BMPR2: variants seen among roughly 807,000 people sequenced by gnomAD.
BMPR2 encodes bone morphogenetic protein receptor type 2.
Under a neutral mutation model 100.8 loss-of-function variants are expected in BMPR2, and 29 were observed. The observed-to-expected ratio is 0.29, with a 90% CI of 0.21 to 0.39. The LOEUF (loss-of-function observed/expected upper bound fraction) is 0.39, where lower values mean the gene tolerates loss of function less well. Among genes scored for constraint, BMPR2 ranks in the 10% least tolerant of loss-of-function variants. The pLI is 1.00. For missense variants in BMPR2, 1,011 were observed against 1,274.5 expected (o/e 0.79, Z 3.15); for synonymous variants, 382 against 442.3 (o/e 0.86, Z 1.71).
intron 7 of BMPR2, among the ~76,000 whole-genome samples, chr2:202,521,449 C>T (rs187218442): frequency 3.9e-5 from 6 of 151,966 alleles, no homozygotes; most frequent in African/African-American, 1.2e-4. Context: ...CACCTGTAGT[C>T]GCAGCTACTT....
intron 1 of BMPR2, among the ~76,000 whole-genome samples, chr2:202,433,043 T>C (rs1431015559): frequency 1.3e-5 from 2 of 150,362 alleles, no homozygotes; most frequent in Non-Finnish European, 2.9e-5. Context: ...GCAAGTCCTA[T>C]ATCTAAATTA....
At chr2:202,450,867 T>G (rs913058853) in intron 1 of BMPR2, among the ~76,000 whole-genome samples, 1 of 152,200 alleles carries the variant, frequency 6.6e-6, no homozygotes, top group Non-Finnish European at 1.5e-5. Context: ...TGTGATACTC[T>G]GAAATCCCAG....
At chr2:202,480,681 C>T (rs951389674) in intron 3 of BMPR2, among the ~76,000 whole-genome samples, 2 of 151,566 alleles carry the variant, frequency 1.3e-5, no homozygotes, top group South Asian at 4.2e-4. Flanking sequence ...AGGCCGGGCA[C>T]GGTGGCTCAT....
At position 202,560,085 on chromosome 2, in the gene BMPR2, A is replaced by G; in HGVS notation, c.*139A>G. ...CCTGCAACAAAGACTTGCTTTAAAT[A>G]GATTTCAGCTATGCAGAAAAATTTA... On this transcript the variant is annotated 3_prime_UTR_variant, in exon 13 of 13. Transcript: ENST00000374580. 9.1e-7 allele frequency: 1 copy of G among 1,104,214 alleles called. No individual in the cohort carries two copies. The highest frequency in any genetic ancestry group is 1.5e-5 in the South Asian group (1 of 64,586). 68.4% of individuals were successfully genotyped at this position (1,104,214 alleles called of 1,614,324 possible). A position where few individuals can be genotyped will look rare whatever the true frequency, so the allele number is the denominator to read the frequency against.
intron 3 of BMPR2, among the ~76,000 whole-genome samples, chr2:202,472,581 C>T (rs1692457165): frequency 6.6e-6 from 1 of 152,210 alleles, no homozygotes; most frequent in African/African-American, 2.4e-5. Context: ...ATCACTTGAA[C>T]CCAGGAAGCA....
chr2:202,536,262 A>C (rs1045320683), intron 9 of BMPR2, among the ~76,000 whole-genome samples: 2 of 151,916 alleles, frequency 1.3e-5, no homozygotes, highest in Non-Finnish European at 2.9e-5. Flanking sequence ...ACAGGCATGC[A>C]CCACCAAGCC....
chr2:202,449,923 T>C (rs1691942516), intron 1 of BMPR2, among the ~76,000 whole-genome samples: 1 of 151,950 alleles, frequency 6.6e-6, no homozygotes, highest in Non-Finnish European at 1.5e-5. Context: ...CTGGCCCACG[T>C]GGTGAATCCC....
intron 1 of BMPR2, among the ~76,000 whole-genome samples, chr2:202,435,327 G>C (rs1364590188): frequency 7.1e-6 from 1 of 140,750 alleles, no homozygotes; most frequent in Non-Finnish European, 1.5e-5. Context: ...TCATGCCACT[G>C]CACTCCAGCC....
At chr2:202,490,923 T>G (rs1433077274) in intron 3 of BMPR2, among the ~76,000 whole-genome samples, 4 of 151,980 alleles carry the variant, frequency 2.6e-5, no homozygotes, top group Non-Finnish European at 5.9e-5. Flanking sequence ...TTTTTGTTTT[T>G]TGTTTTGTTT....
chr2:202,429,010 A>G (rs1262513835), intron 1 of BMPR2, among the ~76,000 whole-genome samples: 5 of 152,130 alleles, frequency 3.3e-5, no homozygotes, highest in Non-Finnish European at 7.3e-5. Flanking sequence ...TAAGAAAGTA[A>G]AGTATTTTGT....
At chr2:202,500,519 C>T (rs997064930) in intron 3 of BMPR2, among the ~76,000 whole-genome samples, 3 of 152,124 alleles carry the variant, frequency 2.0e-5, no homozygotes, top group African/African-American at 4.8e-5. Context: ...AAAAAATGCC[C>T]GCCCAGTCCA....
chr2:202,456,502 TTTC>T (rs1228186223), intron 1 of BMPR2, among the ~76,000 whole-genome samples: 4 of 145,452 alleles, frequency 2.8e-5, no homozygotes, highest in Non-Finnish European at 6.0e-5. Context: ...ATGTAGCACT[TTTC>T]TTTCTTTCTT....
chr2:202,389,014 G>A (rs567762368), intron 1 of BMPR2, among the ~76,000 whole-genome samples: 1 of 151,996 alleles, frequency 6.6e-6, no homozygotes, highest in African/African-American at 2.4e-5. Context: ...AGGATTGCTT[G>A]AGGCCTAGAG....
chr2:202,404,758 G>A (rs1335889528), intron 1 of BMPR2, among the ~76,000 whole-genome samples: 1 of 152,164 alleles, frequency 6.6e-6, no homozygotes, highest in Non-Finnish European at 1.5e-5. Flanking sequence ...TACCCAATAG[G>A]TGGTTTTTCA....
intron 3 of BMPR2, among the ~76,000 whole-genome samples, chr2:202,510,703 C>T (rs1037975583): frequency 5.3e-5 from 8 of 151,644 alleles, no homozygotes; most frequent in Admixed American, 3.9e-4. Flanking sequence ...GCTTTTGAGA[C>T]GGAGTCTTGC....
intron 3 of BMPR2, among the ~76,000 whole-genome samples, chr2:202,497,484 C>A (rs1462016936): frequency 6.6e-6 from 1 of 152,222 alleles, no homozygotes; most frequent in Admixed American, 6.5e-5. Flanking sequence ...TCTCTAACAA[C>A]CCCCGACTCT....
In BMPR2 at chr2:202,532,747, C is replaced by T. The variant is rs549033045; in HGVS notation, c.1276+15C>T. The T allele has an allele frequency of 1.9e-6, 3 of 1,609,382 alleles. No homozygotes were observed. The highest frequency in any genetic ancestry group is 2.5e-6 in the Non-Finnish European group (3 of 1,179,266). On this transcript the variant is annotated intron_variant, in intron 9 of 12. Coordinates refer to ENST00000374580, the MANE Select transcript of BMPR2 (RefSeq NM_001204.7). The surrounding 1 kb of genome is among the most constrained non-coding windows in gnomAD (Gnocchi z 4.1). ...CCTCTTCCCAGGTAAAAACTACTGT[C>T]AAAAGTTGATATTTTTTGAAGTGAA... is the stretch of plus-strand genomic sequence containing the variant.
chr2:202,443,709 A>C (rs934303464), intron 1 of BMPR2, among the ~76,000 whole-genome samples: 19 of 150,546 alleles, frequency 1.3e-4, no homozygotes, highest in African/African-American at 4.5e-4. Context: ...GATTACAGGC[A>C]TGTGCCACAA....
chr2:202,422,335 C>G (rs555617850), intron 1 of BMPR2, among the ~76,000 whole-genome samples: 7 of 151,652 alleles, frequency 4.6e-5, no homozygotes, highest in African/African-American at 1.5e-4. Flanking sequence ...GAGACGGAGT[C>G]TTGCTCTGTC....
Sources: allele counts gnomAD v4.1 joint callset (sites outside exome capture counted in the v4.1 genomes callset), GRCh38; gene constraint gnomAD v4.1.1; non-coding constraint Gnocchi (gnomAD v3.1); transcripts MANE v1.5; gene names NCBI Gene and HGNC (gene_info 2026-07-23, HGNC 2026-07-21).